The following SPATA6 variants were observed in gnomAD, a reference collection of about 807,000 sequenced individuals.
SPATA6 encodes the protein spermatogenesis associated 6.
In SPATA6, 56 loss-of-function variants were observed where a neutral mutation model predicts 65.3. The observed-to-expected ratio is 0.86, with a 90% CI of 0.69 to 1.07. SPATA6 has a LOEUF of 1.07. Among genes scored for constraint, SPATA6 ranks in the 50% least tolerant of loss-of-function variants. The pLI, the probability that SPATA6 is intolerant of heterozygous loss-of-function variation, is 0.00. For synonymous variants in SPATA6, 199 were observed against 213.2 expected (o/e 0.93, Z 0.58); for missense variants, 590 against 594.8 (o/e 0.99, Z 0.08).
downstream of SPATA6, among the ~76,000 whole-genome samples, chr1:48,293,452 C>T (rs1644781369): frequency 6.6e-6 from 1 of 152,144 alleles, no homozygotes; most frequent in African/African-American, 2.4e-5. Context: ...CCTCCCACAG[C>T]TATTTCCATT....
chr1:48,267,716 C>T, the SPATA6 span, among the ~76,000 whole-genome samples: 5 of 150,048 alleles, frequency 3.3e-5, no homozygotes, highest in South Asian at 2.1e-4. Context: ...TTCCTCTCGA[C>T]GTCCAGCGCT....
At chr1:48,352,400 T>A (rs1343101426) in intron 11 of SPATA6, among the ~76,000 whole-genome samples, 1 of 152,040 alleles carries the variant, frequency 6.6e-6, no homozygotes, top group Non-Finnish European at 1.5e-5. Context: ...TGATCAAAGT[T>A]TCAACAGCAA....
intron 12 of SPATA6, among the ~76,000 whole-genome samples, chr1:48,300,302 C>T (rs929681551): frequency 1.3e-5 from 2 of 151,906 alleles, no homozygotes; most frequent in African/African-American, 4.8e-5. Flanking sequence ...TAGATTAGAC[C>T]TTCCAGGCCT....
intron 11 of SPATA6, 188 bp downstream of exon 11, chr1:48,355,482 C>A (rs1376027588): frequency 1.3e-5 from 6 of 470,798 alleles, no homozygotes; most frequent in African/African-American, 9.9e-5. Flanking sequence ...AAACATTTTG[C>A]ATAATGACTT....
chr1:48,341,082 A>C (rs778986589), intron 11 of SPATA6, among the ~76,000 whole-genome samples: 1 of 152,182 alleles, frequency 6.6e-6, no homozygotes, highest in Non-Finnish European at 1.5e-5. Flanking sequence ...AACAAAATAA[A>C]AATACAGTGT....
chr1:48,386,403 A>T (rs534768096), intron 8 of SPATA6, among the ~76,000 whole-genome samples: 1 of 152,362 alleles, frequency 6.6e-6, no homozygotes, highest in East Asian at 1.9e-4. Flanking sequence ...ACCAGAGACA[A>T]TCAGTTTGCA....
intron 11 of SPATA6, among the ~76,000 whole-genome samples, chr1:48,326,521 CA>C (rs1330859768): frequency 0.053 from 4,251 of 80,076 alleles, 100 homozygotes; most frequent in Admixed American, 0.13. Context: ...TCATATGAAA[CA>C]AAAAAAAAAA....
At chr1:48,471,535 A>C (rs1215802688) in intron 1 of SPATA6, among the ~76,000 whole-genome samples, 1 of 152,122 alleles carries the variant, frequency 6.6e-6, no homozygotes, top group Non-Finnish European at 1.5e-5. Context: ...GCCTGCAGGG[A>C]TTCGGGAGGA....
chr1:48,395,351 C>G lies in SPATA6; in HGVS notation c.784G>C (p.Asp262His), dbSNP rs373084426. 1.3e-6 allele frequency: 2 copies of G among 1,552,096 alleles called. No homozygotes were observed. Among genetic ancestry groups the G allele is most frequent in the Non-Finnish European group, 1.7e-6 (2 of 1,148,684 alleles). The change falls in exon 8 of 13, where the codon GAT becomes CAT. Residue 262 changes from aspartate (D) to histidine (H), a missense_variant. Transcript: ENST00000371847. ...GTATCAGCCCTGGGACTTGGGGGAT[C>G]AACCTAGAGGAAGCAGGATTTTTAT... ...DKPPFVIRHV[D>H]PPSPRADTLL...
the SPATA6 span, among the ~76,000 whole-genome samples, chr1:48,284,587 A>G: frequency 6.6e-6 from 1 of 152,086 alleles, no homozygotes; most frequent in Admixed American, 6.5e-5. Flanking sequence ...TTGGTCTTTG[A>G]TGCTGGTGAC....
chr1:48,454,379 C>T (rs1482754077), intron 1 of SPATA6, among the ~76,000 whole-genome samples: 1 of 152,080 alleles, frequency 6.6e-6, no homozygotes, highest in East Asian at 1.9e-4. Context: ...AGCAGTAACT[C>T]CTTACTACTC....
Position 48,359,743 on chromosome 1 carries a change from A to C in SPATA6, c.937T>G (p.Phe313Val). 6.2e-7 allele frequency: 1 copy of C among 1,613,002 alleles called. No individual in the cohort carries two copies. The highest frequency in any genetic ancestry group is 2.2e-5 in the East Asian group (1 of 44,858). Reference sequence around the variant, plus strand: ...TCACATTTTTCTAAAGAGTCATCGAAGTCTCTCCCATGGGGTGTCCTGATA... The same window carrying C: ...TCACATTTTTCTAAAGAGTCATCGACGTCTCTCCCATGGGGTGTCCTGATA... Reference protein sequence around the residue: ...KVIRTPHGRDFDDSLEKCEEY... With the variant: ...KVIRTPHGRDVDDSLEKCEEY... Residue 313 changes from phenylalanine (F) to valine (V), a missense_variant, in exon 10 of 13, where the codon TTC becomes GTC. Coordinates refer to ENST00000371847, the MANE Select transcript of SPATA6 (RefSeq NM_019073.4).
chr1:48,310,892 TA>T (rs1208268032), intron 11 of SPATA6, among the ~76,000 whole-genome samples: 2 of 152,044 alleles, frequency 1.3e-5, no homozygotes, highest in African/African-American at 4.8e-5. Context: ...CTGGCCACAA[TA>T]ACATGAAATT....
At position 48,373,559 on chromosome 1, in the gene SPATA6, C is replaced by T. The variant is rs545717092; in HGVS notation, c.909+11750G>A. Among the ~76,000 whole-genome samples the T allele has an allele frequency of 1.4e-4, 21 of 152,296 alleles. No homozygotes were observed. In the South Asian group the frequency reaches 4.1e-3, roughly 30 times the overall value. ...AGTTCCAAAGTCGCTTCCACATTTC[C>T]GGGTATCTTTTCAGCAACGCCCCAC... On this transcript the variant is annotated intron_variant, in intron 9 of 12. Coordinates refer to ENST00000371847, the MANE Select transcript of SPATA6 (RefSeq NM_019073.4).
chr1:48,431,759 G>A (rs964332502), intron 3 of SPATA6, among the ~76,000 whole-genome samples: 4 of 152,122 alleles, frequency 2.6e-5, no homozygotes, highest in Non-Finnish European at 5.9e-5. Flanking sequence ...CAAAACTTAT[G>A]GGATACAGGG....
chr1:48,283,078 C>T, the SPATA6 span, among the ~76,000 whole-genome samples: 1 of 150,082 alleles, frequency 6.7e-6, no homozygotes, highest in South Asian at 2.1e-4. Context: ...TAAACTATCG[C>T]AAGAACAAAA....
chr1:48,465,695 A>G (rs1360925180), intron 1 of SPATA6, among the ~76,000 whole-genome samples: 1 of 152,180 alleles, frequency 6.6e-6, no homozygotes, highest in Non-Finnish European at 1.5e-5. Context: ...TGAAATGGGC[A>G]GTTTCAAACG....
chr1:48,308,995 C>A (rs747345432), intron 11 of SPATA6, among the ~76,000 whole-genome samples: 1 of 152,076 alleles, frequency 6.6e-6, no homozygotes, highest in Non-Finnish European at 1.5e-5. Flanking sequence ...AAGTGATTCT[C>A]CCATTTCAAC....
At chr1:48,355,162 A>G (rs943263794) in intron 11 of SPATA6, among the ~76,000 whole-genome samples, 1 of 152,120 alleles carries the variant, frequency 6.6e-6, no homozygotes, top group African/African-American at 2.4e-5. Flanking sequence ...GCTTTTTCTC[A>G]GAAAATATCC....
Sources: allele counts gnomAD v4.1 joint callset (sites outside exome capture counted in the v4.1 genomes callset), GRCh38; gene constraint gnomAD v4.1.1; transcripts MANE v1.5; gene names NCBI Gene and HGNC (gene_info 2026-07-23, HGNC 2026-07-21).